The following DYM variants were observed in gnomAD, a reference collection of about 807,000 sequenced individuals.
DYM encodes the protein dymeclin, also known as dyggve-Melchior-Clausen syndrome protein.
DYM carries 78 observed loss-of-function variants against 93.1 expected under a neutral mutation model. That is an observed-to-expected ratio of 0.84 (90% confidence interval 0.70 to 1.01). The LOEUF (loss-of-function observed/expected upper bound fraction) is 1.01. Among genes scored for constraint, DYM ranks in the 50% least tolerant of loss-of-function variants. The pLI, the probability that DYM is intolerant of heterozygous loss-of-function variation, is 0.00. For synonymous variants in DYM, 321 were observed against 319.7 expected, an observed-to-expected ratio of 1.00 and a Z score of -0.04; for missense variants, 789 against 845.0, an observed-to-expected ratio of 0.93 and a Z score of 0.82.
intron 13 of DYM, among the ~76,000 whole-genome samples, chr18:49,214,099 T>G (rs567598895): frequency 1.3e-5 from 2 of 152,168 alleles, no homozygotes; most frequent in East Asian, 3.8e-4. Flanking sequence ...CACGAAATGC[T>G]TGGGATTCAG....
chr18:49,383,738 A>G (rs2068279460), intron 3 of DYM, among the ~76,000 whole-genome samples: 1 of 152,238 alleles, frequency 6.6e-6, no homozygotes, highest in South Asian at 2.1e-4. Flanking sequence ...AGACAGCTCC[A>G]TGAGGTCAGA....
intron 10 of DYM, among the ~76,000 whole-genome samples, chr18:49,281,027 G>A (rs1233738158): frequency 6.6e-6 from 1 of 152,134 alleles, no homozygotes; most frequent in Non-Finnish European, 1.5e-5. Flanking sequence ...CCTACAGAAT[G>A]GGAGAAAATT....
intron 6 of DYM, among the ~76,000 whole-genome samples, chr18:49,348,610 A>T (rs2064819203): frequency 1.3e-5 from 2 of 149,124 alleles, no homozygotes; most frequent in East Asian, 2.2e-4. Context: ...TTTATGATTT[A>T]TAAAAAAAAA....
intron 16 of DYM, among the ~76,000 whole-genome samples, chr18:49,104,716 T>C (rs906915734): frequency 1.3e-5 from 2 of 152,238 alleles, no homozygotes; most frequent in Admixed American, 6.5e-5. Flanking sequence ...ATTATGTTTA[T>C]TGATTTGGTA....
At chr18:49,135,473 A>G (rs970269970) in intron 15 of DYM, among the ~76,000 whole-genome samples, 1 of 152,186 alleles carries the variant, frequency 6.6e-6, no homozygotes, top group Non-Finnish European at 1.5e-5. Flanking sequence ...CAACAAAACT[A>G]TTACAGAAGA....
intron 13 of DYM, 71 bp from the exon 14 acceptor site, chr18:49,209,786 T>TC: frequency 9.3e-7 from 1 of 1,076,288 alleles, no homozygotes; most frequent in Non-Finnish European, 1.2e-6. Flanking sequence ...AATCATTTTT[T>TC]ATGTCCTCAA....
chr18:49,456,179 T>C (rs2082965935), intron 1 of DYM, among the ~76,000 whole-genome samples: 1 of 152,210 alleles, frequency 6.6e-6, no homozygotes, highest in Admixed American at 6.5e-5. Flanking sequence ...TCAAGGGCCA[T>C]ACTTTAGGGT....
intron 9 of DYM, among the ~76,000 whole-genome samples, chr18:49,284,048 T>C (rs1427486212): frequency 6.1e-5 from 9 of 147,724 alleles, no homozygotes; most frequent in Admixed American, 4.6e-4. Context: ...TATGCAGATA[T>C]TATGGAATCT....
chr18:49,067,409 T>C (rs923165304), intron 17 of DYM, among the ~76,000 whole-genome samples: 12 of 63,656 alleles, frequency 1.9e-4, no homozygotes, highest in East Asian at 4.8e-4. Context: ...GTGATGTGAG[T>C]GTTATGGAGG....
chr18:49,052,147 T>A (rs917923982), intron 17 of DYM, among the ~76,000 whole-genome samples: 1 of 152,346 alleles, frequency 6.6e-6, no homozygotes, highest in South Asian at 2.1e-4. Context: ...GCTTCCTTTT[T>A]CCTGAAGGGA....
At chr18:49,327,460 G>A (rs1414858756) in intron 8 of DYM, among the ~76,000 whole-genome samples, 4 of 151,950 alleles carry the variant, frequency 2.6e-5, no homozygotes, top group African/African-American at 7.3e-5. Context: ...AGGCTCAAGC[G>A]AACTACCCAC....
At chr18:49,150,289 T>A (rs1445820441) in intron 15 of DYM, among the ~76,000 whole-genome samples, 4 of 152,196 alleles carry the variant, frequency 2.6e-5, no homozygotes, top group Admixed American at 2.0e-4. Flanking sequence ...CTGAATGTGT[T>A]CCCACTCAAA....
chr18:49,405,927 T>G (rs1296881365), intron 2 of DYM, among the ~76,000 whole-genome samples: 1 of 152,196 alleles, frequency 6.6e-6, no homozygotes, highest in African/African-American at 2.4e-5. Context: ...GTTCTCCTTA[T>G]AGAGATCTTC....
At chr18:49,069,867 C>G (rs2076749541) in intron 17 of DYM, among the ~76,000 whole-genome samples, 1 of 152,146 alleles carries the variant, frequency 6.6e-6, no homozygotes, top group African/African-American at 2.4e-5. Context: ...ATGGTGAAAC[C>G]CCATCTCTAC....
At chr18:49,288,091 G>T (rs1388256285) in intron 8 of DYM, among the ~76,000 whole-genome samples, 1 of 151,856 alleles carries the variant, frequency 6.6e-6, no homozygotes, top group Non-Finnish European at 1.5e-5. Flanking sequence ...TTTACTTTTT[G>T]AACATGACCA....
chr18:49,119,815 T>C (rs2848878), intron 15 of DYM, among the ~76,000 whole-genome samples: 129,242 of 152,070 alleles, frequency 0.85, 55,833 homozygotes, highest in Middle Eastern at 0.95. Context: ...AGGCTGGCTG[T>C]GGTGGCTCAT....
At chr18:49,233,561 C>T (rs564486953) in intron 13 of DYM, among the ~76,000 whole-genome samples, 5 of 152,240 alleles carry the variant, frequency 3.3e-5, no homozygotes, top group African/African-American at 1.2e-4. Flanking sequence ...TTGCTCCACT[C>T]CCACAATGTA....
chr18:49,081,434 C>T (rs1248904170), intron 17 of DYM, among the ~76,000 whole-genome samples: 3 of 151,720 alleles, frequency 2.0e-5, no homozygotes, highest in Non-Finnish European at 2.9e-5. Flanking sequence ...GGGAGGTCGC[C>T]GTGAGCCGAG....
chr18:49,109,927 CT>C (rs1183424503), intron 16 of DYM, among the ~76,000 whole-genome samples: 4 of 152,216 alleles, frequency 2.6e-5, no homozygotes, highest in African/African-American at 9.7e-5. Context: ...CCCTCTCATC[CT>C]TTGTGCTACT....
Sources: allele counts gnomAD v4.1 joint callset (sites outside exome capture counted in the v4.1 genomes callset), GRCh38; gene constraint gnomAD v4.1.1; transcripts MANE v1.5; gene names NCBI Gene and HGNC (gene_info 2026-07-23, HGNC 2026-07-21).